Variants in MRTFA observed in about 807,000 individuals in gnomAD.
The protein encoded by MRTFA is myocardin related transcription factor A, also known as myocardin-related transcription factor A.
Under a neutral mutation model 83.5 loss-of-function variants are expected in MRTFA, and 20 were observed. The observed-to-expected ratio is 0.24, with a 90% CI of 0.17 to 0.35. MRTFA has a LOEUF of 0.35. MRTFA is among the 10% of genes least tolerant of loss of function. MRTFA has a pLI of 1.00. For missense variants in MRTFA, 1,200 were observed against 1,224.7 expected (o/e 0.98, Z 0.30); for synonymous variants, 659 against 541.2 (o/e 1.22, Z -3.02).
chr22:40,490,927 C>T (rs975086265), intron 3 of MRTFA, among the ~76,000 whole-genome samples: 6 of 152,070 alleles, frequency 3.9e-5, no homozygotes, highest in African/African-American at 9.7e-5. Flanking sequence ...CTCCTATTGT[C>T]GTTTTTTTCA....
At chr22:40,485,890 C>T (rs952912334) in intron 3 of MRTFA, among the ~76,000 whole-genome samples, 1 of 152,234 alleles carries the variant, frequency 6.6e-6, no homozygotes, top group Non-Finnish European at 1.5e-5. Flanking sequence ...AGGCATCTCC[C>T]TCAACTGGGA....
chr22:40,556,860 A>T (rs1245698567), intron 2 of MRTFA, among the ~76,000 whole-genome samples: 2 of 152,222 alleles, frequency 1.3e-5, no homozygotes, highest in East Asian at 1.9e-4. Context: ...GACTAAAAAA[A>T]AGACTTCAAC....
intron 2 of MRTFA, chr22:40,587,717 ATATTTCC>A (rs2056053111): frequency 1.2e-5 from 4 of 336,540 alleles, no homozygotes; most frequent in South Asian, 7.0e-5. Context: ...TCCATGACAG[ATATTTCC>A]AAAAGCACCC....
chr22:40,443,021 C>CG (rs558652086), intron 4 of MRTFA, among the ~76,000 whole-genome samples: 54 of 151,842 alleles, frequency 3.6e-4, no homozygotes, highest in East Asian at 1.4e-3. Flanking sequence ...AGGCCGAGGT[C>CG]GGGGGGGATC....
chr22:40,560,030 T>TA (rs1275822415), intron 2 of MRTFA, among the ~76,000 whole-genome samples: 3 of 152,220 alleles, frequency 2.0e-5, no homozygotes, highest in African/African-American at 7.2e-5. Flanking sequence ...TATATAGTGC[T>TA]ATTTGTTAAT....
chr22:40,621,773 TGAA>T lies in MRTFA; in HGVS notation c.-84+14702_-84+14704del, dbSNP rs549192164. On this transcript the variant is annotated intron_variant, in intron 1 of 14. Coordinates refer to ENST00000355630, the MANE Select transcript of MRTFA (RefSeq NM_020831.6). ...GTAAAAGAAAATTACTCACAGGCTT[TGAA>T]ACATAATAAAAATTTTCCCTGCTGG... is the stretch of plus-strand genomic sequence containing the variant. Among the ~76,000 whole-genome samples the T allele has an allele frequency of 1.1e-3, 161 of 152,326 alleles. 4 individuals are homozygous for T. The East Asian group carries it at 0.022, about 21-fold the overall frequency.
intron 3 of MRTFA, among the ~76,000 whole-genome samples, chr22:40,514,239 A>C (rs1170587695): frequency 6.6e-6 from 1 of 152,096 alleles, no homozygotes; most frequent in Non-Finnish European, 1.5e-5. Flanking sequence ...CAACAGAGCA[A>C]GATCCCATCT....
chr22:40,555,227 T>G (rs1049981796), intron 2 of MRTFA, among the ~76,000 whole-genome samples: 1 of 152,204 alleles, frequency 6.6e-6, no homozygotes, highest in African/African-American at 2.4e-5. Context: ...AAGAAGGACA[T>G]GAGACTTGAG....
At chr22:40,513,582 C>T (rs999322801) in intron 3 of MRTFA, among the ~76,000 whole-genome samples, 1 of 124,490 alleles carries the variant, frequency 8.0e-6, no homozygotes, top group Non-Finnish European at 1.6e-5. Context: ...GCCTGGGCAA[C>T]AAGAGCGAAG....
chr22:40,416,780 G>C lies in MRTFA; in HGVS notation c.2578+206C>G, dbSNP rs1740374839. Among the ~76,000 whole-genome samples the C allele has an allele frequency of 6.6e-6, 1 of 152,274 alleles. No individual in the cohort carries two copies. Among genetic ancestry groups the C allele is most frequent in the South Asian group, 2.1e-4 (1 of 4,834 alleles). ...GTTGGGAGGCGAGGGCCTTGGGGCA[G>C]TGCTTCCAGCTGAAGGACGGCACCT... On this transcript the variant is annotated intron_variant, in intron 14 of 14. Coordinates refer to ENST00000355630, the MANE Select transcript of MRTFA (RefSeq NM_020831.6). This position sits in a 1 kb window ranked among gnomAD's most constrained non-coding sequence, Gnocchi z 4.2.
At chr22:40,539,905 CTTTT>C (rs367760561) in intron 3 of MRTFA, among the ~76,000 whole-genome samples, 3 of 127,340 alleles carry the variant, frequency 2.4e-5, no homozygotes, top group African/African-American at 2.9e-5. Flanking sequence ...TCACGGTTAT[CTTTT>C]TTTTTTTTTT....
chr22:40,625,192 A>G (rs1201313602), intron 1 of MRTFA, among the ~76,000 whole-genome samples: 1 of 152,142 alleles, frequency 6.6e-6, no homozygotes, highest in Non-Finnish European at 1.5e-5. Context: ...AATCTATAAA[A>G]TAGAATAAAA....
intron 3 of MRTFA, among the ~76,000 whole-genome samples, chr22:40,494,801 C>A (rs2054324632): frequency 6.6e-6 from 1 of 152,016 alleles, no homozygotes; most frequent in African/African-American, 2.4e-5. Context: ...CACTATTATG[C>A]TAAAAGAAGC....
At chr22:40,464,843 T>C (rs1436186419) in intron 3 of MRTFA, among the ~76,000 whole-genome samples, 1 of 152,190 alleles carries the variant, frequency 6.6e-6, no homozygotes. Flanking sequence ...TATCACTATC[T>C]TTCCCAGTAT....
intron 3 of MRTFA, among the ~76,000 whole-genome samples, chr22:40,465,724 T>C (rs1952123638): frequency 6.7e-6 from 1 of 149,678 alleles, no homozygotes; most frequent in African/African-American, 2.4e-5. Context: ...CCATGCCCGG[T>C]AATTTTTTAA....
chr22:40,412,087 A>G (rs2052563745), intron 14 of MRTFA, 180 bp from the exon 15 acceptor site: 4 of 475,648 alleles, frequency 8.4e-6, no homozygotes. Context: ...CAAATCACAT[A>G]TTTGATAAAG....
chr22:40,595,863 C>CTTTTTT lies in MRTFA; in HGVS notation c.-83-1134_-83-1129dup, dbSNP rs35215701. On this transcript the variant is annotated intron_variant, in intron 1 of 14. Transcript: ENST00000355630. ...ACAGAATCAATGGTATATCTAAAGT[C>CTTTTTT]TTTTTTTTTTTTTTTTTTTTTTTTT... is the stretch of plus-strand genomic sequence containing the variant. 6.4e-5 allele frequency among the ~76,000 whole-genome samples: 5 copies of CTTTTTT among 78,116 alleles called. No homozygotes were observed. The South Asian group carries it at 2.1e-3, about 33-fold the overall frequency. The allele number at this position is 78,116 out of a possible 152,430, so 51.2% of individuals were successfully genotyped here. A position where few individuals can be genotyped will look rare whatever the true frequency, so the allele number is the denominator to read the frequency against.
At chr22:40,534,132 G>C (rs963219373) in intron 3 of MRTFA, among the ~76,000 whole-genome samples, 33 of 152,240 alleles carry the variant, frequency 2.2e-4, no homozygotes, top group African/African-American at 7.9e-4. Context: ...ATGAGAGGTG[G>C]GGAAGAAGAT....
intron 1 of MRTFA, among the ~76,000 whole-genome samples, chr22:40,597,810 A>T (rs1459844150): frequency 6.6e-6 from 1 of 152,226 alleles, no homozygotes; most frequent in Non-Finnish European, 1.5e-5. Context: ...AGTCTGTGCT[A>T]TTTGAAGGCT....
Sources: gnomAD v4.1 joint callset for allele counts (sites outside exome capture counted in the v4.1 genomes callset) on GRCh38, gnomAD v4.1.1 for gene constraint, Gnocchi (gnomAD v3.1) non-coding constraint, MANE v1.5 for transcripts, NCBI Gene and HGNC (gene_info 2026-07-23, HGNC 2026-07-21) for gene names.